Variants in PTPN13 observed in about 807,000 individuals in gnomAD.
PTPN13 encodes tyrosine-protein phosphatase non-receptor type 13.
In PTPN13, 191 loss-of-function variants were observed where a neutral mutation model predicts 284.0. The observed-to-expected ratio is 0.67, with a 90% CI of 0.60 to 0.76. The LOEUF (loss-of-function observed/expected upper bound fraction) is 0.76. Among genes scored for constraint, PTPN13 ranks in the 30% least tolerant of loss-of-function variants. The pLI is 0.00. For synonymous variants in PTPN13, 986 were observed against 1,022.3 expected, an observed-to-expected ratio of 0.96 and a Z score of 0.68; for missense variants, 2,797 against 2,939.9, an observed-to-expected ratio of 0.95 and a Z score of 1.12.
At chr4:86,627,078 G>A (rs1721921205) in intron 1 of PTPN13, among the ~76,000 whole-genome samples, 1 of 152,048 alleles carries the variant, frequency 6.6e-6, no homozygotes, top group Non-Finnish European at 1.5e-5. Context: ...GAACCTTGAG[G>A]ACATTATGTG....
At chr4:86,673,246 G>A (rs1472312035) in intron 3 of PTPN13, among the ~76,000 whole-genome samples, 1 of 152,194 alleles carries the variant, frequency 6.6e-6, no homozygotes, top group Non-Finnish European at 1.5e-5. Flanking sequence ...AAATGCTATG[G>A]AGAGTGATAG....
At chr4:86,779,518 C>A (rs1260274704) in intron 35 of PTPN13, among the ~76,000 whole-genome samples, 1 of 152,028 alleles carries the variant, frequency 6.6e-6, no homozygotes, top group Non-Finnish European at 1.5e-5. Flanking sequence ...CTTGGGAACC[C>A]ACCATTTTGT....
intron 35 of PTPN13, 68 bp downstream of exon 35, chr4:86,775,720 C>A: frequency 8.4e-7 from 1 of 1,188,014 alleles, no homozygotes; most frequent in Non-Finnish European, 1.2e-6. Flanking sequence ...GATTATACTT[C>A]ATTCTCTGAA....
intron 2 of PTPN13, chr4:86,661,239 A>G: frequency 7.1e-6 from 2 of 282,898 alleles, no homozygotes; most frequent in South Asian, 3.0e-5. Flanking sequence ...GAATCATACA[A>G]TGTAAACTCT....
chr4:86,758,914 G>T (rs1171741693), intron 22 of PTPN13, 28 bp from the exon 23 acceptor site: 26 of 1,600,996 alleles, frequency 1.6e-5, no homozygotes, highest in Non-Finnish European at 2.2e-5. Context: ...CTTTGTTGTT[G>T]AAAATACTGG....
chr4:86,655,016 G>A (rs1174875168), intron 2 of PTPN13, among the ~76,000 whole-genome samples: 1 of 152,064 alleles, frequency 6.6e-6, no homozygotes, highest in Non-Finnish European at 1.5e-5. Flanking sequence ...TGTCTCTTTT[G>A]ATCTTTGTTG....
intron 1 of PTPN13, among the ~76,000 whole-genome samples, chr4:86,607,455 T>C (rs902369280): frequency 2.0e-5 from 3 of 151,994 alleles, no homozygotes; most frequent in African/African-American, 7.2e-5. Context: ...TGAGACGTAG[T>C]ATATTATTTA....
intron 1 of PTPN13, among the ~76,000 whole-genome samples, chr4:86,631,069 A>G (rs1722415102): frequency 6.6e-6 from 1 of 152,162 alleles, no homozygotes; most frequent in South Asian, 2.1e-4. Flanking sequence ...TATAACCTTC[A>G]AGAGAATAAA....
intron 10 of PTPN13, among the ~76,000 whole-genome samples, chr4:86,730,176 G>A (rs907800325): frequency 4.7e-5 from 7 of 149,650 alleles, no homozygotes; most frequent in African/African-American, 1.7e-4. Flanking sequence ...AGCAAATATT[G>A]CTGCCTGATC....
Position 86,596,430 on chromosome 4 carries a change from T to C in PTPN13, c.-6+1641T>C, listed in dbSNP as rs1213520683. ...CATACACGCACACCATTAAAACCAG[T>C]GTCAATTTAAAAGTCAGATTTTAAT... On this transcript the variant is annotated intron_variant, in intron 1 of 47. Transcript: ENST00000411767. Among the ~76,000 whole-genome samples, 3 of 152,194 alleles carry C rather than the reference T, an allele frequency of 2.0e-5. No homozygotes were observed. In the East Asian group the frequency reaches 5.8e-4, roughly 29 times the overall value.
At chr4:86,773,105 G>T in intron 32 of PTPN13, 147 bp downstream of exon 32, 1 of 617,170 alleles carries the variant, frequency 1.6e-6, no homozygotes, top group South Asian at 3.0e-5. Context: ...GTATGTTTCT[G>T]TGCTGAGAAA....
At position 86,717,060 on chromosome 4, in the gene PTPN13, G is replaced by A. The variant is rs201331872; in HGVS notation, c.1328G>A (p.Ser443Asn). Residue 443 changes from serine (S) to asparagine (N), a missense_variant, in exon 9 of 48, where the codon AGC (serine) becomes AAC (asparagine). Ser to Asn is a conservative substitution (Grantham distance 46). Coordinates refer to ENST00000411767, the MANE Select transcript of PTPN13 (RefSeq NM_080683.3). ...GAAGCCTCAAAGAGGTTTGAATCCAGCAGTGGTCTCCCAGGGGTAGATGAA... is the reference window on the plus strand; with the variant it reads ...GAAGCCTCAAAGAGGTTTGAATCCAACAGTGGTCTCCCAGGGGTAGATGAA... The part of the protein sequence containing the change: ...RSEASKRFES[S>N]SGLPGVDETL... 2,144 of 1,613,146 alleles carry A rather than the reference G, an allele frequency of 1.3e-3. 1 individual carries two copies. The highest frequency in any genetic ancestry group is 1.7e-3 in the Non-Finnish European group (1,987 of 1,179,624).
intron 37 of PTPN13, 59 bp downstream of exon 37, chr4:86,782,321 T>A (rs1287619930): frequency 3.1e-5 from 44 of 1,432,928 alleles, no homozygotes; most frequent in Non-Finnish European, 4.2e-5. Flanking sequence ...ACTGCATGTT[T>A]GTGTTTTGAA....
At chr4:86,743,518 T>A (rs1331325252) in intron 16 of PTPN13, among the ~76,000 whole-genome samples, 1 of 152,180 alleles carries the variant, frequency 6.6e-6, no homozygotes, top group Non-Finnish European at 1.5e-5. Context: ...AGTTACCAGG[T>A]ATACTACTGA....
At chr4:86,723,144 A>G (rs1374016075) in intron 10 of PTPN13, among the ~76,000 whole-genome samples, 3 of 152,228 alleles carry the variant, frequency 2.0e-5, no homozygotes, top group Non-Finnish European at 2.9e-5. Context: ...GTGTTATAAA[A>G]TACTTTATTA....
intron 2 of PTPN13, among the ~76,000 whole-genome samples, chr4:86,664,066 T>C (rs1201243755): frequency 2.0e-5 from 3 of 152,148 alleles, no homozygotes; most frequent in Non-Finnish European, 4.4e-5. Context: ...TTGGTACACA[T>C]ATTGGAATCT....
At chr4:86,752,176 C>T (rs1737469623) in intron 19 of PTPN13, among the ~76,000 whole-genome samples, 1 of 152,092 alleles carries the variant, frequency 6.6e-6, no homozygotes, top group African/African-American at 2.4e-5. Flanking sequence ...AGGACTGTTT[C>T]CCTTCTGTTG....
intron 8 of PTPN13, 80 bp from the exon 9 acceptor site, chr4:86,716,944 G>T: frequency 1.1e-6 from 1 of 934,656 alleles, no homozygotes; most frequent in Non-Finnish European, 1.7e-6. Context: ...CTCTATGTCT[G>T]CTAAGTGTTT....
At chr4:86,774,096 A>C (rs895858485) in intron 32 of PTPN13, among the ~76,000 whole-genome samples, 5 of 152,270 alleles carry the variant, frequency 3.3e-5, no homozygotes, top group Middle Eastern at 3.4e-3. Flanking sequence ...TAAAAATATA[A>C]GAAAGAAAGC....
Sources: allele counts gnomAD v4.1 joint callset (sites outside exome capture counted in the v4.1 genomes callset), GRCh38; gene constraint gnomAD v4.1.1; transcripts MANE v1.5; gene names NCBI Gene and HGNC (gene_info 2026-07-23, HGNC 2026-07-21).